CSGALNACT1: variants seen among roughly 807,000 people sequenced by gnomAD.
CSGALNACT1 encodes the protein chondroitin sulfate N-acetylgalactosaminyltransferase 1.
Under a neutral mutation model 51.0 loss-of-function variants are expected in CSGALNACT1, and 52 were observed. The observed-to-expected ratio is 1.02, with a 90% CI of 0.82 to 1.29. The LOEUF is 1.29. Among genes scored for constraint, CSGALNACT1 ranks in the 50% most tolerant of loss-of-function variants. The pLI is 0.00. For synonymous variants in CSGALNACT1, 341 were observed against 254.4 expected, an observed-to-expected ratio of 1.34 and a Z score of -3.24; for missense variants, 935 against 679.2, an observed-to-expected ratio of 1.38 and a Z score of -4.19.
intron 1 of CSGALNACT1, among the ~76,000 whole-genome samples, chr8:19,636,186 T>G (rs544240865): frequency 3.3e-4 from 51 of 152,252 alleles, no homozygotes; most frequent in African/African-American, 1.1e-3. Context: ...ATAAGGTATT[T>G]TGAGAGAGTT....
intron 3 of CSGALNACT1, among the ~76,000 whole-genome samples, chr8:19,536,805 A>C (rs1413232898): frequency 6.6e-6 from 1 of 152,214 alleles, no homozygotes; most frequent in Admixed American, 6.6e-5. Flanking sequence ...AGTGGCAGAG[A>C]GATAGATATA....
chr8:19,629,303 A>G (rs901861270), intron 1 of CSGALNACT1, among the ~76,000 whole-genome samples: 6 of 152,248 alleles, frequency 3.9e-5, no homozygotes, highest in African/African-American at 1.4e-4. Flanking sequence ...GAAGGAAAAA[A>G]CAAAACTGGC....
At chr8:19,649,092 A>G (rs1234648070) in intron 1 of CSGALNACT1, among the ~76,000 whole-genome samples, 1 of 152,204 alleles carries the variant, frequency 6.6e-6, no homozygotes, top group Non-Finnish European at 1.5e-5. Context: ...TCTGTGTGCC[A>G]ATAATTGTTA....
chr8:19,644,142 G>A (rs1452061583), intron 1 of CSGALNACT1, among the ~76,000 whole-genome samples: 1 of 152,124 alleles, frequency 6.6e-6, no homozygotes, highest in Non-Finnish European at 1.5e-5. Flanking sequence ...TGTGATATAT[G>A]TTAATGTGTT....
intron 6 of CSGALNACT1, among the ~76,000 whole-genome samples, chr8:19,426,152 A>G (rs962891590): frequency 2.9e-4 from 44 of 152,194 alleles, no homozygotes; most frequent in African/African-American, 1.0e-3. Context: ...CACTGGACGA[A>G]TCAAGAGCTG....
intron 1 of CSGALNACT1, among the ~76,000 whole-genome samples, chr8:19,695,527 T>C (rs561748711): frequency 7.9e-5 from 12 of 152,268 alleles, no homozygotes; most frequent in African/African-American, 1.9e-4. Flanking sequence ...AATGCTCCAA[T>C]TGACTCCAGG....
intron 3 of CSGALNACT1, among the ~76,000 whole-genome samples, chr8:19,546,741 T>C (rs2086573604): frequency 6.6e-6 from 1 of 152,150 alleles, no homozygotes; most frequent in African/African-American, 2.4e-5. Flanking sequence ...AAAACCTATA[T>C]GAAACCCCTC....
chr8:19,670,275 A>G (rs1258898047), intron 1 of CSGALNACT1, among the ~76,000 whole-genome samples: 1 of 152,200 alleles, frequency 6.6e-6, no homozygotes, highest in Non-Finnish European at 1.5e-5. Flanking sequence ...TAACTAGTAG[A>G]ATCTCAGTGA....
At chr8:19,603,861 C>T (rs2050954452), upstream of CSGALNACT1, among the ~76,000 whole-genome samples, 1 of 152,114 alleles carries the variant, frequency 6.6e-6, no homozygotes, top group Non-Finnish European at 1.5e-5. Flanking sequence ...TCAGCTGGTA[C>T]CTCCACATAA....
rs1168408479 is a variant in CSGALNACT1 at position 19,597,179 on chromosome 8, C to T, written c.-416+4592G>A. 3.9e-5 allele frequency among the ~76,000 whole-genome samples: 6 copies of T among 151,978 alleles called. No individual in the cohort carries two copies. The East Asian group carries it at 1.2e-3, about 29-fold the overall frequency. Reference sequence around the variant, plus strand: ...TTTAGTAGGTGTCAGAATTTCTCTCCTTTTTAAGGCTGAAAAATATTCCAT... The same window carrying T: ...TTTAGTAGGTGTCAGAATTTCTCTCTTTTTTAAGGCTGAAAAATATTCCAT... On this transcript the variant is annotated intron_variant, in intron 2 of 9. Transcript: ENST00000454498.
chr8:19,440,457 A>T (rs1006697753), intron 5 of CSGALNACT1, among the ~76,000 whole-genome samples: 61 of 151,996 alleles, frequency 4.0e-4, no homozygotes, highest in Admixed American at 2.4e-3. Context: ...ACAGAACCAA[A>T]GACAAAAACC....
intron 1 of CSGALNACT1, chr8:19,688,578 C>T (rs2061110771): frequency 6.6e-6 from 1 of 152,180 alleles, no homozygotes; most frequent in Non-Finnish European, 1.5e-5. Flanking sequence ...ATGATAGAAA[C>T]AATGCCACCT....
At chr8:19,447,664 A>G (rs974220436) in intron 5 of CSGALNACT1, among the ~76,000 whole-genome samples, 3 of 152,186 alleles carry the variant, frequency 2.0e-5, no homozygotes, top group Non-Finnish European at 2.9e-5. Context: ...GTCCCAGAGC[A>G]GGGGGAGGTG....
At chr8:19,416,446 C>T (rs1249421304) in intron 8 of CSGALNACT1, among the ~76,000 whole-genome samples, 1 of 151,262 alleles carries the variant, frequency 6.6e-6, no homozygotes, top group African/African-American at 2.5e-5. Flanking sequence ...TTTAGTGTCA[C>T]CTAAGTCTAC....
intron 1 of CSGALNACT1, among the ~76,000 whole-genome samples, chr8:19,656,304 C>G (rs914035888): frequency 6.6e-6 from 1 of 152,152 alleles, no homozygotes; most frequent in African/African-American, 2.4e-5. Flanking sequence ...TCCTAAAAGT[C>G]TGGAATCAAA....
chr8:19,735,751 T>A (rs1485752565), intron 1 of CSGALNACT1, among the ~76,000 whole-genome samples: 1 of 152,306 alleles, frequency 6.6e-6, no homozygotes, highest in Non-Finnish European at 1.5e-5. Context: ...TCCAATAACT[T>A]CAATGGAGAA....
intron 1 of CSGALNACT1, among the ~76,000 whole-genome samples, chr8:19,700,717 C>G (rs1480772608): frequency 3.3e-5 from 5 of 152,178 alleles, no homozygotes; most frequent in Non-Finnish European, 7.3e-5. Context: ...TTAACATATG[C>G]TAAAAATGAA....
chr8:19,452,941 A>G (rs975149028), intron 5 of CSGALNACT1, among the ~76,000 whole-genome samples: 1 of 152,102 alleles, frequency 6.6e-6, no homozygotes, highest in African/African-American at 2.4e-5. Context: ...ACAGAGAAAT[A>G]CCCTGTCCTC....
intron 1 of CSGALNACT1, among the ~76,000 whole-genome samples, chr8:19,623,088 C>T (rs2054026206): frequency 6.6e-6 from 1 of 152,134 alleles, no homozygotes; most frequent in Non-Finnish European, 1.5e-5. Context: ...ATACCTTCAA[C>T]ATAAGGATAT....
Sources: gnomAD v4.1 joint callset for allele counts (sites outside exome capture counted in the v4.1 genomes callset) on GRCh38, gnomAD v4.1.1 for gene constraint, MANE v1.5 for transcripts, NCBI Gene and HGNC (gene_info 2026-07-23, HGNC 2026-07-21) for gene names.